The following DNAH12 variants were observed in gnomAD, a reference collection of about 807,000 sequenced individuals.
DNAH12 encodes dynein axonemal heavy chain 12.
Under a neutral mutation model 371.5 loss-of-function variants are expected in DNAH12, and 285 were observed. The observed-to-expected ratio is 0.77, with a 90% CI of 0.70 to 0.85. DNAH12 has a LOEUF of 0.85. Among genes scored for constraint, DNAH12 ranks in the 40% least tolerant of loss-of-function variants. DNAH12 has a pLI of 0.00. For missense variants in DNAH12, 3,611 were observed against 3,689.4 expected (o/e 0.98, Z 0.55); for synonymous variants, 1,200 against 1,213.0 (o/e 0.99, Z 0.22).
chr3:57,320,729 C>G (rs983066364), intron 65 of DNAH12, among the ~76,000 whole-genome samples: 9 of 152,142 alleles, frequency 5.9e-5, no homozygotes, highest in African/African-American at 2.2e-4. Flanking sequence ...AAGCCTCACC[C>G]CAGACCCACT....
chr3:57,310,998 T>C (rs1041872197), intron 66 of DNAH12, 48 bp from the exon 67 acceptor site: 41 of 1,292,628 alleles, frequency 3.2e-5, no homozygotes, highest in Non-Finnish European at 4.5e-5. Context: ...AGTATTTCAC[T>C]TCATTTCCAT....
chr3:57,468,473 G>A (rs547643398), intron 17 of DNAH12, among the ~76,000 whole-genome samples: 4 of 152,160 alleles, frequency 2.6e-5, no homozygotes, highest in African/African-American at 9.6e-5. Context: ...AAATTAGCCA[G>A]GCATGGTGGT....
intron 60 of DNAH12, among the ~76,000 whole-genome samples, chr3:57,343,627 C>T (rs1355283509): frequency 1.3e-5 from 2 of 152,168 alleles, no homozygotes; most frequent in Non-Finnish European, 2.9e-5. Context: ...CCCAGCCCGA[C>T]ACCTGTAAAG....
intron 25 of DNAH12, among the ~76,000 whole-genome samples, chr3:57,447,305 A>G (rs1280026589): frequency 1.3e-5 from 2 of 152,224 alleles, no homozygotes; most frequent in Admixed American, 6.5e-5. Context: ...CTTAATGACA[A>G]TATCAGCAGT....
At chr3:57,333,572 C>A (rs938953627) in intron 62 of DNAH12, among the ~76,000 whole-genome samples, 1 of 152,066 alleles carries the variant, frequency 6.6e-6, no homozygotes, top group Non-Finnish European at 1.5e-5. Flanking sequence ...CTCAAGTGAT[C>A]TGTCCTCCTC....
At chr3:57,551,283 A>AT in the DNAH12 span, among the ~76,000 whole-genome samples, 1 of 145,446 alleles carries the variant, frequency 6.9e-6, no homozygotes, top group Non-Finnish European at 1.5e-5. Flanking sequence ...TTATTTATTT[A>AT]TTTTTTGAGA....
chr3:57,399,867 G>A (rs1284789562), intron 43 of DNAH12, among the ~76,000 whole-genome samples: 9 of 152,222 alleles, frequency 5.9e-5, no homozygotes, highest in South Asian at 2.1e-4. Flanking sequence ...TTTATCTGGC[G>A]TACTTTATTA....
At chr3:57,407,056 G>A (rs9835044) in intron 40 of DNAH12, among the ~76,000 whole-genome samples, 46,065 of 151,638 alleles carry the variant, frequency 0.3, 7,544 homozygotes, top group South Asian at 0.43. Flanking sequence ...ACACCACCAC[G>A]CCCAGCTAAT....
chr3:57,487,820 C>G (rs554961154), intron 12 of DNAH12, among the ~76,000 whole-genome samples: 33 of 151,750 alleles, frequency 2.2e-4, no homozygotes, highest in Admixed American at 2.0e-3. Context: ...ATCACAGATA[C>G]TACAAAAATA....
chr3:57,526,238 A>C (rs1274768631), intron 2 of DNAH12, among the ~76,000 whole-genome samples: 1 of 152,184 alleles, frequency 6.6e-6, no homozygotes, highest in Non-Finnish European at 1.5e-5. Context: ...CCCACAGATA[A>C]GTGAAAACAT....
chr3:57,369,355 TAAATAA>T (rs1559593707), intron 55 of DNAH12, among the ~76,000 whole-genome samples: 5 of 145,862 alleles, frequency 3.4e-5, no homozygotes, highest in South Asian at 4.2e-4. Flanking sequence ...AATAAATAAA[TAAATAA>T]ATATATATAA....
intron 22 of DNAH12, among the ~76,000 whole-genome samples, chr3:57,455,347 T>C (rs977444648): frequency 6.6e-6 from 1 of 151,822 alleles, no homozygotes; most frequent in African/African-American, 2.4e-5. Context: ...ATGGATCACC[T>C]GAGGTCAGGA....
chr3:57,477,342 G>A (rs1041978649), intron 13 of DNAH12, among the ~76,000 whole-genome samples: 1 of 152,060 alleles, frequency 6.6e-6, no homozygotes, highest in African/African-American at 2.4e-5. Context: ...ACAGCAGTCT[G>A]ATATCAAACT....
chr3:57,309,473 G>T (rs1456267659), intron 68 of DNAH12, among the ~76,000 whole-genome samples, 193 bp downstream of exon 68: 2 of 152,086 alleles, frequency 1.3e-5, no homozygotes, highest in Non-Finnish European at 2.9e-5. Context: ...TTAAATTCAT[G>T]ATGTCTTTAA....
chr3:57,369,157 T>C (rs2063113754), intron 55 of DNAH12, among the ~76,000 whole-genome samples: 1 of 149,356 alleles, frequency 6.7e-6, no homozygotes, highest in Admixed American at 6.7e-5. Context: ...GAGGTAGAGA[T>C]TGCAGTGAGC....
intron 13 of DNAH12, among the ~76,000 whole-genome samples, chr3:57,478,749 A>G (rs1270848657): frequency 6.6e-6 from 1 of 152,234 alleles, no homozygotes; most frequent in East Asian, 1.9e-4. Flanking sequence ...TATAAGCCAG[A>G]AGAGAGTGGG....
intron 17 of DNAH12, among the ~76,000 whole-genome samples, chr3:57,467,674 T>TAA (rs2066245952): frequency 6.6e-6 from 1 of 152,170 alleles, no homozygotes; most frequent in East Asian, 1.9e-4. Flanking sequence ...AATGACTTAG[T>TAA]GTCATTTTCA....
intron 73 of DNAH12, 32 bp downstream of exon 73, chr3:57,295,493 C>T (rs2061214465): frequency 3.3e-6 from 5 of 1,536,040 alleles, no homozygotes; most frequent in African/African-American, 1.4e-5. Flanking sequence ...TCTCCCTAAA[C>T]TTCAAATAAA....
chr3:57,446,535 A>G lies in DNAH12; in HGVS notation c.3939+2T>C, dbSNP rs1013475358. The G allele has an allele frequency of 6.6e-6, 10 of 1,522,180 alleles. No homozygotes were observed. Among genetic ancestry groups the G allele is most frequent in the African/African-American group, 2.8e-5 (2 of 71,766 alleles). 94.3% of individuals were successfully genotyped at this position (1,522,180 alleles called of 1,614,324 possible). ...ATATTATTGATTCAGCAATTTAACT[A>G]CCTTTCCCATTGCTAGATAATCTAG... On this transcript the variant is annotated splice_donor_variant, in intron 26 of 73. Coordinates refer to ENST00000495027, the MANE Select transcript of DNAH12 (RefSeq NM_001366028.2). LOFTEE classifies it high-confidence loss of function.
Sources: gnomAD v4.1 joint callset for allele counts (sites outside exome capture counted in the v4.1 genomes callset) on GRCh38, gnomAD v4.1.1 for gene constraint, MANE v1.5 for transcripts, NCBI Gene and HGNC (gene_info 2026-07-23, HGNC 2026-07-21) for gene names.